GGA2: variants seen among roughly 807,000 people sequenced by gnomAD.
GGA2 encodes the protein ADP-ribosylation factor-binding protein GGA2.
GGA2 carries 48 observed loss-of-function variants against 79.5 expected under a neutral mutation model. The ratio of observed to expected loss-of-function variants is 0.60; its 90% CI spans 0.48 to 0.77. The LOEUF is 0.77. GGA2 is among the 30% of genes least tolerant of loss of function. GGA2 has a pLI of 0.00. For synonymous variants in GGA2, 317 were observed against 302.0 expected (o/e 1.05, Z -0.51); for missense variants, 770 against 774.0 (o/e 0.99, Z 0.06).
chr16:23,493,678 A>G, intron 3 of GGA2: 1 of 524,886 alleles, frequency 1.9e-6, no homozygotes, highest in South Asian at 2.1e-5. Flanking sequence ...TATGCCCAGG[A>G]AATAGCTTAG....
intron 4 of GGA2, 60 bp from the exon 5 acceptor site, chr16:23,491,860 T>C (rs923666002): frequency 2.5e-6 from 3 of 1,210,950 alleles, no homozygotes; most frequent in Non-Finnish European, 3.6e-6. Context: ...ACCGACACTT[T>C]AACTAAAGAG....
At position 23,470,071 on chromosome 16, in the gene GGA2, C is replaced by A. The variant is rs551493440; in HGVS notation, c.1545G>T (p.Gln515His). The A allele has an allele frequency of 2.0e-5, 32 of 1,610,622 alleles. No homozygotes were observed. The East Asian group carries it at 2.5e-4, about 12-fold the overall frequency. The stretch of plus-strand genomic sequence containing the variant: ...TGCTCATCATGGTCAAGAGCAGCAC[C>A]TGTACCTCTGGGTGCCCAGGGGCTC... ...QTGAPGHPEVQVLLLTMMSTA... is the reference protein window; with the variant it reads ...QTGAPGHPEVHVLLLTMMSTA... Residue 515 changes from glutamine to histidine, a missense_variant, in exon 15 of 17, where the codon CAG becomes CAT. Coordinates refer to ENST00000309859, the MANE Select transcript of GGA2 (RefSeq NM_015044.4).
intron 11 of GGA2, 25 bp downstream of exon 11, chr16:23,479,740 G>C: frequency 6.2e-7 from 1 of 1,612,848 alleles, no homozygotes; most frequent in Non-Finnish European, 8.5e-7. Context: ...TCCTGTGCCT[G>C]CTCCCCACAA....
intron 15 of GGA2, chr16:23,469,692 C>A: frequency 5.0e-6 from 1 of 198,898 alleles, no homozygotes; most frequent in South Asian, 1.4e-4. Flanking sequence ...AAGGACCATG[C>A]AACCCTGGAG....
chr16:23,497,749 T>C lies in GGA2; in HGVS notation c.92-1971A>G, dbSNP rs981796992. On this transcript the variant is annotated intron_variant, in intron 1 of 16. Transcript: ENST00000309859. Reference sequence around the variant, plus strand: ...CTCCTCCTCCTCTGAACAGATATTTTATCTGCCCCTTCTCCGATAGGGATC... The same window carrying C: ...CTCCTCCTCCTCTGAACAGATATTTCATCTGCCCCTTCTCCGATAGGGATC... 4.6e-5 allele frequency among the ~76,000 whole-genome samples: 7 copies of C among 152,336 alleles called. No individual in the cohort carries two copies. In the East Asian group the frequency reaches 1.2e-3, roughly 25 times the overall value.
intron 14 of GGA2, 37 bp from the exon 15 acceptor site, chr16:23,470,202 C>G (rs1271293507): frequency 6.7e-7 from 1 of 1,499,898 alleles, no homozygotes; most frequent in Non-Finnish European, 9.0e-7. Context: ...TTTAACACCA[C>G]TACAAACCCC....
intron 2 of GGA2, among the ~76,000 whole-genome samples, chr16:23,517,606 T>C (rs1248231830): frequency 1.3e-5 from 2 of 152,104 alleles, no homozygotes; most frequent in African/African-American, 4.8e-5. Flanking sequence ...CAGCCACTTC[T>C]ACCTCTCCCC....
Position 23,476,035 on chromosome 16 carries a change from G to A in GGA2, c.1293-974C>T, listed in dbSNP as rs925954642. Among the ~76,000 whole-genome samples the A allele has an allele frequency of 4.6e-5, 7 of 152,240 alleles. No homozygotes were observed. The East Asian group carries it at 9.6e-4, about 21-fold the overall frequency. On this transcript the variant is annotated intron_variant, in intron 13 of 16. Coordinates refer to ENST00000309859, the MANE Select transcript of GGA2 (RefSeq NM_015044.4). ...GAAGGTTGTTCATGTTGTACCTGTCGGGCAGTCCCTGACAATAAGTAGCTC... is the reference window on the plus strand; with the variant it reads ...GAAGGTTGTTCATGTTGTACCTGTCAGGCAGTCCCTGACAATAAGTAGCTC...
At chr16:23,486,641 G>T in intron 7 of GGA2, 69 bp downstream of exon 7, 1 of 897,656 alleles carries the variant, frequency 1.1e-6, no homozygotes, top group Non-Finnish European at 1.9e-6. Context: ...TCAAGCATAG[G>T]CTCATATGCA....
intron 1 of GGA2, among the ~76,000 whole-genome samples, chr16:23,504,756 C>T (rs927214673): frequency 2.0e-5 from 3 of 152,192 alleles, no homozygotes; most frequent in African/African-American, 7.2e-5. Flanking sequence ...ATCCCAGACT[C>T]CAAGGTGGTT....
At chr16:23,519,575 G>C (rs1363247320) in intron 2 of GGA2, 1 of 412,696 alleles carries the variant, frequency 2.4e-6, no homozygotes, top group East Asian at 8.9e-5. Context: ...TAGGAGAAGA[G>C]AGATGATTTA....
intron 4 of GGA2, among the ~76,000 whole-genome samples, 180 bp downstream of exon 4, chr16:23,493,180 G>A (rs1318898115): frequency 2.0e-5 from 3 of 152,196 alleles, no homozygotes; most frequent in African/African-American, 4.8e-5. Flanking sequence ...AACAGTGAGG[G>A]GCAGGGGTCA....
chr16:23,471,017 A>T (rs1168202702), intron 14 of GGA2, among the ~76,000 whole-genome samples: 1 of 151,710 alleles, frequency 6.6e-6, no homozygotes, highest in East Asian at 2.0e-4. Flanking sequence ...TTTAGTAGAG[A>T]TGGGATTTCT....
At chr16:23,497,367 C>T (rs564531842) in intron 1 of GGA2, among the ~76,000 whole-genome samples, 16 of 152,240 alleles carry the variant, frequency 1.1e-4, no homozygotes, top group African/African-American at 2.6e-4. Flanking sequence ...AACTTCCTCC[C>T]GCTGCGCCAA....
chr16:23,520,653 C>T (rs1304583079), intron 1 of GGA2, among the ~76,000 whole-genome samples: 1 of 148,610 alleles, frequency 6.7e-6, no homozygotes, highest in Non-Finnish European at 1.5e-5. Flanking sequence ...GAGCAACATC[C>T]TCTTAAAAAA....
Position 23,470,922 on chromosome 16 carries a change from C to T in GGA2, c.1451-757G>A, listed in dbSNP as rs539208665. ...TTGGCTCACCGCAACCTCTGCCTCC[C>T]GGATTCAAACGATTCTCCCACCTCA... is the stretch of plus-strand genomic sequence containing the variant. On this transcript the variant is annotated intron_variant, in intron 14 of 16. Coordinates refer to ENST00000309859, the MANE Select transcript of GGA2 (RefSeq NM_015044.4). Among the ~76,000 whole-genome samples the T allele has an allele frequency of 4.0e-5, 6 of 149,684 alleles. No individual in the cohort carries two copies. In the East Asian group the frequency reaches 7.9e-4, roughly 20 times the overall value.
chr16:23,499,874 C>G (rs1443128085), intron 1 of GGA2, among the ~76,000 whole-genome samples: 1 of 152,206 alleles, frequency 6.6e-6, no homozygotes, highest in African/African-American at 2.4e-5. Context: ...AGGGGTGGGG[C>G]CGCTGGCAGG....
intron 5 of GGA2, among the ~76,000 whole-genome samples, chr16:23,490,456 C>T (rs371676806): frequency 7.2e-5 from 11 of 152,214 alleles, no homozygotes; most frequent in South Asian, 6.2e-4. Context: ...AATCCACAGC[C>T]GGGAGCGGTG....
intron 14 of GGA2, 71 bp downstream of exon 14, chr16:23,474,833 T>A: frequency 8.8e-7 from 1 of 1,135,618 alleles, no homozygotes; most frequent in South Asian, 1.3e-5. Flanking sequence ...CAAACTGGAG[T>A]GGAAAAAGCT....
Sources: gnomAD v4.1 joint callset for allele counts (sites outside exome capture counted in the v4.1 genomes callset) on GRCh38, gnomAD v4.1.1 for gene constraint, MANE v1.5 for transcripts, NCBI Gene and HGNC (gene_info 2026-07-23, HGNC 2026-07-21) for gene names.